The following ZP3 variants were observed in gnomAD, a reference collection of about 807,000 sequenced individuals.
The protein encoded by ZP3 is zona pellucida glycoprotein 3.
Under a neutral mutation model 35.6 loss-of-function variants are expected in ZP3, and 21 were observed. The ratio of observed to expected loss-of-function variants is 0.59; its 90% confidence interval spans 0.42 to 0.85. The LOEUF is 0.85. ZP3 is among the 40% of genes least tolerant of loss of function. The probability of loss-of-function intolerance (pLI) is 0.00; values close to 1 mark genes in which losing one functional copy is unlikely to be tolerated. For synonymous variants in ZP3, 207 were observed against 214.5 expected (o/e 0.96, Z 0.31); for missense variants, 437 against 536.5 (o/e 0.81, Z 1.83).
upstream of ZP3, among the ~76,000 whole-genome samples, chr7:76,421,551 G>A (rs1282491906): frequency 6.6e-6 from 1 of 151,754 alleles, no homozygotes; most frequent in Non-Finnish European, 1.5e-5. Context: ...ATTATGCCTG[G>A]CAGATTTTTA....
At chr7:76,439,761 G>C (rs1353237662) in intron 5 of ZP3, 3 of 191,862 alleles carry the variant, frequency 1.6e-5, no homozygotes, top group Admixed American at 5.3e-5. Flanking sequence ...AGGGGAATAA[G>C]TGGTGGATTC....
chr7:76,406,422 T>C (rs1228694421), intron 1 of ZP3, among the ~76,000 whole-genome samples: 1 of 152,214 alleles, frequency 6.6e-6, no homozygotes, highest in Non-Finnish European at 1.5e-5. Context: ...TTTCCGTTTA[T>C]CAGAACAATA....
chr7:76,423,414 G>A (rs1486857391), upstream of ZP3, among the ~76,000 whole-genome samples: 3 of 152,178 alleles, frequency 2.0e-5, no homozygotes, highest in Admixed American at 6.6e-5. Flanking sequence ...GTTATCTTGA[G>A]TTATGGGCCA....
At chr7:76,427,231 G>A (rs551152402) in intron 1 of ZP3, among the ~76,000 whole-genome samples, 2 of 152,004 alleles carry the variant, frequency 1.3e-5, no homozygotes, top group African/African-American at 4.8e-5. Flanking sequence ...AATCACCTGC[G>A]GCTGGCCGTG....
intron 1 of ZP3, among the ~76,000 whole-genome samples, chr7:76,427,714 G>A (rs1037622926): frequency 7.2e-5 from 11 of 152,156 alleles, no homozygotes; most frequent in African/African-American, 2.7e-4. Flanking sequence ...ATTCCCTGAA[G>A]ATCGAGTTTG....
chr7:76,430,215 A>T (rs1044977973), intron 2 of ZP3, among the ~76,000 whole-genome samples: 2 of 152,020 alleles, frequency 1.3e-5, no homozygotes, highest in Non-Finnish European at 2.9e-5. Flanking sequence ...ATCGCAAAAA[A>T]TAATAATAAA....
At chr7:76,431,189 A>G (rs1311545370) in intron 2 of ZP3, among the ~76,000 whole-genome samples, 1 of 152,106 alleles carries the variant, frequency 6.6e-6, no homozygotes, top group African/African-American at 2.4e-5. Context: ...AGGAGCTAAG[A>G]GCAGTTGGAG....
chr7:76,431,871 C>T (rs1383003227), intron 2 of ZP3, among the ~76,000 whole-genome samples: 1 of 145,102 alleles, frequency 6.9e-6, no homozygotes, highest in South Asian at 2.3e-4. Flanking sequence ...TGTACTCCAG[C>T]CTGGGAGACA....
At chr7:76,427,799 C>A (rs1424091246) in intron 1 of ZP3, among the ~76,000 whole-genome samples, 1 of 152,110 alleles carries the variant, frequency 6.6e-6, no homozygotes, top group Non-Finnish European at 1.5e-5. Context: ...CTGCCTCAGC[C>A]TCCTGAATAG....
At chr7:76,422,874 T>G (rs1320128488), upstream of ZP3, among the ~76,000 whole-genome samples, 1 of 149,090 alleles carries the variant, frequency 6.7e-6, no homozygotes, top group Non-Finnish European at 1.5e-5. Context: ...GACGGGTGCC[T>G]GTAATCCCAG....
chr7:76,411,124 A>G (rs565676728), intron 1 of ZP3, among the ~76,000 whole-genome samples: 1 of 151,638 alleles, frequency 6.6e-6, no homozygotes, highest in South Asian at 2.1e-4. Context: ...TGGCCTGGGG[A>G]AGCCCCTTCC....
At chr7:76,404,189 A>G in intron 1 of ZP3, 1 of 1,378,166 alleles carries the variant, frequency 7.3e-7, no homozygotes, top group East Asian at 2.6e-5. Context: ...AAAGGTCAGC[A>G]TTGGAAAGAA....
intron 1 of ZP3, 70 bp from the exon 2 acceptor site, chr7:76,429,445 A>C: frequency 6.8e-7 from 1 of 1,459,964 alleles, no homozygotes. Context: ...CTCCCTGAGC[A>C]CTCAGGTATG....
chr7:76,416,764 A>T (rs191449131), intron 1 of ZP3, among the ~76,000 whole-genome samples: 1 of 150,740 alleles, frequency 6.6e-6, no homozygotes, highest in Non-Finnish European at 1.5e-5. Context: ...ATGCCATTGC[A>T]CTCCAGCCTG....
At chr7:76,400,616 C>T in intron 1 of ZP3, 1 of 1,432,500 alleles carries the variant, frequency 7.0e-7, no homozygotes, top group Non-Finnish European at 9.2e-7. Flanking sequence ...GAGCTGGCAC[C>T]AGGGGGTCAC....
At chr7:76,416,973 T>TATATA (rs568367143) in intron 1 of ZP3, among the ~76,000 whole-genome samples, 1 of 47,158 alleles carries the variant, frequency 2.1e-5, no homozygotes, top group African/African-American at 9.1e-5. Flanking sequence ...TATATATATA[T>TATATA]AATTTGGCAT....
chr7:76,429,684 G>A, intron 2 of ZP3, 51 bp downstream of exon 2: 1 of 1,526,620 alleles, frequency 6.6e-7, no homozygotes, highest in Non-Finnish European at 9.1e-7. Context: ...CCTTGGGTGT[G>A]GCTGCAGGCA....
chr7:76,411,994 A>T (rs887695380), intron 1 of ZP3, among the ~76,000 whole-genome samples: 3 of 151,942 alleles, frequency 2.0e-5, no homozygotes, highest in Non-Finnish European at 2.9e-5. Flanking sequence ...GGAATTTGAG[A>T]CCATCCTGGG....
chr7:76,425,988 C>T (rs1233962642), intron 1 of ZP3, among the ~76,000 whole-genome samples: 1 of 151,452 alleles, frequency 6.6e-6, no homozygotes, highest in Non-Finnish European at 1.5e-5. Flanking sequence ...GAGGCTGAGG[C>T]AGGAGAATCG....
Sources: allele counts gnomAD v4.1 joint callset (sites outside exome capture counted in the v4.1 genomes callset), GRCh38; gene constraint gnomAD v4.1.1; transcripts MANE v1.5; gene names NCBI Gene and HGNC (gene_info 2026-07-23, HGNC 2026-07-21).